CRACR2A: variants seen among roughly 807,000 people sequenced by gnomAD.
CRACR2A encodes the protein calcium release activated channel regulator 2A, also known as EF-hand calcium-binding domain-containing protein 4B.
A neutral mutation model predicts 90.5 loss-of-function variants in CRACR2A; 79 were observed. The observed-to-expected ratio is 0.87, with a 90% CI of 0.73 to 1.05. The LOEUF is 1.05. Ranked by LOEUF, CRACR2A falls within the 50% of genes least tolerant of loss-of-function variation. The probability of loss-of-function intolerance (pLI) is 0.00; values close to 1 mark genes in which losing one functional copy is unlikely to be tolerated. For missense variants in CRACR2A, 823 were observed against 897.2 expected, an observed-to-expected ratio of 0.92 and a Z score of 1.06; for synonymous variants, 338 against 356.7, an observed-to-expected ratio of 0.95 and a Z score of 0.59.
chr12:3,679,264 G>A (rs1945400939), intron 5 of CRACR2A, among the ~76,000 whole-genome samples, 166 bp from the exon 6 acceptor site: 1 of 152,188 alleles, frequency 6.6e-6, no homozygotes, highest in African/African-American at 2.4e-5. Flanking sequence ...ACACGTTCCA[G>A]ATTCTGTGAC....
At chr12:3,670,758 T>A (rs1945224524) in intron 7 of CRACR2A, among the ~76,000 whole-genome samples, 2 of 152,274 alleles carry the variant, frequency 1.3e-5, no homozygotes, top group South Asian at 4.1e-4. Context: ...GGGCAAGAGC[T>A]CCAGTCCTTC....
chr12:3,671,255 G>T (rs1484791952), intron 7 of CRACR2A, among the ~76,000 whole-genome samples: 1 of 152,178 alleles, frequency 6.6e-6, no homozygotes, highest in Non-Finnish European at 1.5e-5. Flanking sequence ...GAGAACAGAA[G>T]AATGCCTTCC....
chr12:3,647,956 G>A, intron 11 of CRACR2A: 1 of 985,570 alleles, frequency 1.0e-6, no homozygotes, highest in South Asian at 4.7e-5. Flanking sequence ...AGTAAACTTT[G>A]AGTTTATTGC....
intron 1 of CRACR2A, among the ~76,000 whole-genome samples, chr12:3,739,919 C>A (rs1310597326): frequency 8.0e-6 from 1 of 125,254 alleles, no homozygotes; most frequent in Non-Finnish European, 1.7e-5. Context: ...GGCGACAGAG[C>A]GACTCCGTCT....
rs1035508190 is a variant in CRACR2A, at chr12:3,633,558, CT to C, written c.1735+45del. ...CCCGGGCCCCCTTCTCACAAACTCC[CT>C]TCCCAAAGATGGGCCTAGGACCCAC... On this transcript the variant is annotated intron_variant, in intron 15 of 19. Transcript: ENST00000440314. The surrounding 1 kb of genome is among the most constrained non-coding windows in gnomAD (Gnocchi z 4.5). 2.6e-6 allele frequency: 4 copies of C among 1,549,790 alleles called. No individual in the cohort carries two copies. In the African/African-American group the frequency reaches 5.5e-5, roughly 21 times the overall value.
At chr12:3,687,773 T>C (rs1945587614) in intron 4 of CRACR2A, among the ~76,000 whole-genome samples, 1 of 152,246 alleles carries the variant, frequency 6.6e-6, no homozygotes, top group Admixed American at 6.5e-5. Flanking sequence ...GCACACTGCT[T>C]TCCACAATGG....
chr12:3,615,532 T>C (rs1867662663), intron 19 of CRACR2A, 93 bp from the exon 20 acceptor site: 1 of 1,086,026 alleles, frequency 9.2e-7, no homozygotes, highest in South Asian at 1.6e-5. Context: ...TTACAGGTCA[T>C]CTGGGCCATA....
intron 2 of CRACR2A, chr12:3,725,776 T>A (rs1946253579): frequency 6.6e-6 from 1 of 152,258 alleles, no homozygotes; most frequent in Non-Finnish European, 1.5e-5. Context: ...TTTTCTTTTC[T>A]TCAATTCCCC....
At chr12:3,741,636 G>A (rs1946526280) in intron 1 of CRACR2A, among the ~76,000 whole-genome samples, 1 of 152,118 alleles carries the variant, frequency 6.6e-6, no homozygotes, top group Admixed American at 6.5e-5. Flanking sequence ...CATAAAACAC[G>A]CTCTTCCTCC....
chr12:3,633,639 T>G lies in CRACR2A; in HGVS notation c.1700A>C (p.Glu567Ala), dbSNP rs1466577366. The G allele has an allele frequency of 1.3e-6, 2 of 1,551,694 alleles. No individual in the cohort carries two copies. The highest frequency in any genetic ancestry group is 2.4e-5 in the East Asian group (1 of 40,900). Residue 567 changes from glutamate to alanine, a missense_variant, in exon 15 of 20, where the codon GAG becomes GCG. Physicochemically the swap from Glu to Ala is moderately radical, Grantham distance 107 (BLOSUM62 -1). Transcript: ENST00000440314. The surrounding 1 kb of genome is among the most constrained non-coding windows in gnomAD (Gnocchi z 4.5). ...GKTSFLRRFC[E>A]DRFSPGMAAT... ...CGCCATGCCTGGGGAGAACCGGTCC[T>G]CACAGAATCTCCTCAGGAAGGATGT... is the stretch of plus-strand genomic sequence containing the variant.
chr12:3,713,163 G>T (rs1946030892), intron 3 of CRACR2A, 74 bp downstream of exon 3: 4 of 676,314 alleles, frequency 5.9e-6, no homozygotes, highest in Non-Finnish European at 7.3e-6. Context: ...AACAAGGCAG[G>T]GCCTGAAGTT....
intron 4 of CRACR2A, among the ~76,000 whole-genome samples, chr12:3,681,460 G>A (rs1341130429): frequency 2.0e-5 from 3 of 152,230 alleles, no homozygotes; most frequent in Admixed American, 1.3e-4. Context: ...AGCTGTTGCT[G>A]CTCCCTTCTG....
At chr12:3,733,817 C>A (rs535330452) in intron 1 of CRACR2A, among the ~76,000 whole-genome samples, 7 of 151,326 alleles carry the variant, frequency 4.6e-5, no homozygotes, top group Non-Finnish European at 8.8e-5. Context: ...GACCACAAGA[C>A]CACATTCTAG....
intron 17 of CRACR2A, among the ~76,000 whole-genome samples, chr12:3,625,243 C>A (rs923669734): frequency 1.3e-5 from 2 of 152,120 alleles, no homozygotes; most frequent in Admixed American, 1.3e-4. Context: ...AGCAGCCACA[C>A]GCCGCTGATG....
At chr12:3,724,318 A>T (rs241981) in intron 2 of CRACR2A, among the ~76,000 whole-genome samples, 71 of 152,194 alleles carry the variant, frequency 4.7e-4, no homozygotes, top group Middle Eastern at 3.4e-3. Context: ...CACACCCTCT[A>T]GGCTCCTGCT....
chr12:3,639,650 G>A (rs1281780925), intron 13 of CRACR2A, among the ~76,000 whole-genome samples: 4 of 151,946 alleles, frequency 2.6e-5, no homozygotes, highest in African/African-American at 9.7e-5. Context: ...AAGATCAACA[G>A]TAGAAAGGAA....
In CRACR2A at chr12:3,654,304, C is replaced by T. The variant is rs367711607; in HGVS notation, c.954G>A (p.Glu318=). 3 of 1,613,860 alleles carry T rather than the reference C, an allele frequency of 1.9e-6. No homozygotes were observed. Among genetic ancestry groups the T allele is most frequent in the African/African-American group, 2.7e-5 (2 of 74,886 alleles). The change falls in exon 10 of 20, where the codon GAG becomes GAA. Residue 318 remains glutamate (E), a synonymous_variant. Coordinates refer to ENST00000440314, the MANE Select transcript of CRACR2A (RefSeq NM_001144958.2). ...LKLTNQELAR[E]LERTSWELQD... Reference sequence around the variant, plus strand: ...GGAGCTCCCAGGAAGTCCGCTCCAGCTCCCGGGCCAGCTCCTGGTTAGTGA... The same window carrying T: ...GGAGCTCCCAGGAAGTCCGCTCCAGTTCCCGGGCCAGCTCCTGGTTAGTGA...
chr12:3,679,337 C>T (rs905104889), intron 5 of CRACR2A, among the ~76,000 whole-genome samples: 5 of 152,162 alleles, frequency 3.3e-5, no homozygotes, highest in Admixed American at 6.5e-5. Context: ...GAATGTAAGA[C>T]GGATACGGTG....
intron 1 of CRACR2A, among the ~76,000 whole-genome samples, chr12:3,733,900 C>T (rs1946398782): frequency 1.3e-5 from 2 of 151,594 alleles, no homozygotes; most frequent in South Asian, 4.2e-4. Context: ...CACACACACA[C>T]ACACACACAC....
Sources: gnomAD v4.1 joint callset for allele counts (sites outside exome capture counted in the v4.1 genomes callset) on GRCh38, gnomAD v4.1.1 for gene constraint, Gnocchi (gnomAD v3.1) non-coding constraint, MANE v1.5 for transcripts, NCBI Gene and HGNC (gene_info 2026-07-23, HGNC 2026-07-21) for gene names.